ZNHIT3: variants seen among roughly 807,000 people sequenced by gnomAD.
ZNHIT3 encodes the protein zinc finger HIT domain-containing protein 3.
Under a neutral mutation model 19.9 loss-of-function variants are expected in ZNHIT3, and 27 were observed. The observed-to-expected ratio is 1.36, with a 90% CI of 1.00 to 1.87. ZNHIT3 has a LOEUF of 1.87. Among genes scored for constraint, ZNHIT3 ranks in the 40% most tolerant of loss-of-function variants. The pLI, the probability that ZNHIT3 is intolerant of heterozygous loss-of-function variation, is 0.00. For synonymous variants in ZNHIT3, 81 were observed against 65.7 expected (o/e 1.23, Z -1.13); for missense variants, 215 against 185.6 (o/e 1.16, Z -0.92).
intron 2 of ZNHIT3, chr17:36,490,585 A>G (rs1281052328): frequency 6.6e-6 from 1 of 152,110 alleles, no homozygotes; most frequent in African/African-American, 2.4e-5. Flanking sequence ...GTGGTTCCAT[A>G]TTAATTTTAG....
At chr17:36,496,499 G>T, downstream of ZNHIT3, 1 of 1,232,136 alleles carries the variant, frequency 8.1e-7, no homozygotes, top group Non-Finnish European at 1.2e-6. Flanking sequence ...AATGCAAGAA[G>T]GTATGGACAA....
intron 3 of ZNHIT3, chr17:36,493,114 C>G: frequency 1.7e-6 from 1 of 591,522 alleles, no homozygotes; most frequent in Non-Finnish European, 3.0e-6. Context: ...GAAAAATGGG[C>G]AGAAGACAGA....
chr17:36,486,803 G>T lies in ZNHIT3; in HGVS notation c.86+18G>T, dbSNP rs2070564580. 6.2e-7 allele frequency: 1 copy of T among 1,609,594 alleles called. No homozygotes were observed. The highest frequency in any genetic ancestry group is 1.1e-5 in the South Asian group (1 of 90,648). ...GTGCCCTAGTGAGCGGGGAGGTCGC[G>T]GGGTCCAGGGGCGCGGGTGTCCGGC... On this transcript the variant is annotated intron_variant, in intron 1 of 4. Transcript: ENST00000617429.
At position 36,495,439 on chromosome 17, in the gene ZNHIT3, T is replaced by C. The variant is rs918463519; in HGVS notation, c.*35T>C. 7 of 1,540,324 alleles carry C rather than the reference T, an allele frequency of 4.5e-6. No homozygotes were observed. Among genetic ancestry groups the C allele is most frequent in the Admixed American group, 4.1e-5 (2 of 48,426 alleles). ...TTGTGCTGCTTGCTCAAGCGTGTGC[T>C]TGACTCCTGGAACCTGCCTGCTCCC... On this transcript the variant is annotated 3_prime_UTR_variant, in exon 5 of 5. Coordinates refer to ENST00000617429, the MANE Select transcript of ZNHIT3 (RefSeq NM_004773.4).
At chr17:36,493,454 A>G (rs1238015127) in intron 3 of ZNHIT3, among the ~76,000 whole-genome samples, 1 of 152,246 alleles carries the variant, frequency 6.6e-6, no homozygotes, top group African/African-American at 2.4e-5. Context: ...CTCCAAAGGC[A>G]TGGCCCATTT....
chr17:36,499,209 G>A (rs1206726798), downstream of ZNHIT3: 1 of 1,442,394 alleles, frequency 6.9e-7, no homozygotes, highest in Admixed American at 1.9e-5. Context: ...GGGGCCATTA[G>A]AGCTGTCAGT....
Position 36,495,669 on chromosome 17 carries a change from A to C in ZNHIT3, c.*265A>C. On this transcript the variant is annotated 3_prime_UTR_variant, in exon 5 of 5. Transcript: ENST00000617429. ...AAATGTTTTACTTTTGGTACAGTTGATAGACATCATAAACGATATCAAGCT... is the reference window on the plus strand; with the variant it reads ...AAATGTTTTACTTTTGGTACAGTTGCTAGACATCATAAACGATATCAAGCT... 1 of 1,280,594 alleles carries C rather than the reference A, an allele frequency of 7.8e-7. No individual in the cohort carries two copies. Among genetic ancestry groups the C allele is most frequent in the Non-Finnish European group, 9.8e-7 (1 of 1,016,776 alleles). The allele number at this position is 1,280,594 out of a possible 1,614,324, so 79.3% of individuals were successfully genotyped here.
chr17:36,493,082 C>A, intron 3 of ZNHIT3, 183 bp downstream of exon 3: 1 of 628,134 alleles, frequency 1.6e-6, no homozygotes, highest in South Asian at 1.9e-5. Flanking sequence ...AGGCAACAGC[C>A]TGAAAGCAGT....
At chr17:36,498,302 G>C (rs1225593702), downstream of ZNHIT3, 2 of 1,613,682 alleles carry the variant, frequency 1.2e-6, no homozygotes, top group Admixed American at 3.3e-5. Context: ...CACCAGCCTG[G>C]TCTTGTGCTG....
rs767143290 is a variant in ZNHIT3 at position 36,486,686 on chromosome 17, C to T, written c.-14C>T. ...CGCGCGGCGGCGCAGTGAACAGTCT[C>T]CTTCCACAAAACCATGGCGTCGCTC... is the stretch of plus-strand genomic sequence containing the variant. On this transcript the variant is annotated 5_prime_UTR_variant, in exon 1 of 5. Coordinates refer to ENST00000617429, the MANE Select transcript of ZNHIT3 (RefSeq NM_004773.4). The T allele has an allele frequency of 5.6e-6, 9 of 1,613,682 alleles. 1 individual carries two copies. The highest frequency in any genetic ancestry group is 5.5e-5 in the South Asian group (5 of 91,072).
At chr17:36,491,625 A>C (rs553155982) in intron 2 of ZNHIT3, 16 of 152,148 alleles carry the variant, frequency 1.1e-4, no homozygotes, top group African/African-American at 3.1e-4. Context: ...CTTTTGCTAG[A>C]TCTCTCTCTT....
chr17:36,497,087 T>C (rs544661591), downstream of ZNHIT3, among the ~76,000 whole-genome samples: 6 of 151,794 alleles, frequency 4.0e-5, no homozygotes, highest in Admixed American at 1.3e-4. Context: ...CCCAGCACTT[T>C]GGGAGGGCAA....
At chr17:36,497,596 T>A, downstream of ZNHIT3, 1 of 978,010 alleles carries the variant, frequency 1.0e-6, no homozygotes, top group Non-Finnish European at 1.2e-6. Flanking sequence ...AAACTTTTTT[T>A]TTTTTTTAGA....
intron 3 of ZNHIT3, 113 bp from the exon 4 acceptor site, chr17:36,493,812 CT>C (rs2070783881): frequency 2.7e-6 from 2 of 729,684 alleles, no homozygotes; most frequent in African/African-American, 1.7e-5. Flanking sequence ...TTGAATACCC[CT>C]ATCACTATCA....
At chr17:36,488,928 C>T (rs543980087) in intron 2 of ZNHIT3, among the ~76,000 whole-genome samples, 45 of 152,310 alleles carry the variant, frequency 3.0e-4, no homozygotes, top group African/African-American at 1.1e-3. Context: ...TCCCATCTAG[C>T]TGTAATTTTG....
intron 2 of ZNHIT3, among the ~76,000 whole-genome samples, chr17:36,488,591 C>T (rs976607696): frequency 1.3e-5 from 2 of 152,060 alleles, no homozygotes; most frequent in Admixed American, 1.3e-4. Context: ...CATACAAGTT[C>T]TAGCTCACTG....
intron 2 of ZNHIT3, among the ~76,000 whole-genome samples, chr17:36,488,417 C>T (rs565493010): frequency 5.3e-5 from 8 of 151,812 alleles, no homozygotes; most frequent in South Asian, 2.1e-4. Context: ...TGGAGGTGCG[C>T]GCCTGTAATC....
chr17:36,495,878 G>A (rs1289093184), downstream of ZNHIT3: 2 of 1,238,266 alleles, frequency 1.6e-6, no homozygotes, highest in East Asian at 3.1e-5. Context: ...CCAAATTCCA[G>A]CGCCAATTTT....
At chr17:36,498,828 TA>T, downstream of ZNHIT3, 3 of 594,056 alleles carry the variant, frequency 5.1e-6, no homozygotes, top group Non-Finnish European at 9.0e-6. Context: ...CCCAGTCTTC[TA>T]AAGTGTACAT....
Sources: gnomAD v4.1 joint callset for allele counts (sites outside exome capture counted in the v4.1 genomes callset) on GRCh38, gnomAD v4.1.1 for gene constraint, MANE v1.5 for transcripts, NCBI Gene and HGNC (gene_info 2026-07-23, HGNC 2026-07-21) for gene names.